Variants in CPXM2 observed in about 807,000 individuals in gnomAD.
CPXM2 encodes the protein carboxypeptidase X, M14 family member 2, also known as inactive carboxypeptidase-like protein X2.
A neutral mutation model predicts 86.1 loss-of-function variants in CPXM2; 66 were observed. The observed-to-expected ratio is 0.77, with a 90% CI of 0.63 to 0.94. The LOEUF is 0.94. Ranked by LOEUF, CPXM2 falls within the 40% of genes least tolerant of loss-of-function variation. The pLI is 0.00. For synonymous variants in CPXM2, 388 were observed against 400.2 expected (o/e 0.97, Z 0.36); for missense variants, 948 against 1,026.3 (o/e 0.92, Z 1.04).
chr10:123,803,863 T>C (rs1450438672), intron 4 of CPXM2, among the ~76,000 whole-genome samples: 1 of 152,090 alleles, frequency 6.6e-6, no homozygotes, highest in Non-Finnish European at 1.5e-5. Flanking sequence ...GGTTTCATCA[T>C]GTTTGCCAAG....
intron 2 of CPXM2, among the ~76,000 whole-genome samples, chr10:123,919,080 G>A (rs550517384): frequency 6.2e-5 from 9 of 145,110 alleles, no homozygotes; most frequent in South Asian, 2.2e-4. Flanking sequence ...AGCTGTGCAC[G>A]TATGGAACTG....
intron 4 of CPXM2, among the ~76,000 whole-genome samples, chr10:123,811,394 T>G (rs1006445232): frequency 6.6e-6 from 1 of 152,090 alleles, no homozygotes; most frequent in Admixed American, 6.6e-5. Flanking sequence ...TGAGAACATG[T>G]GGTGTTTGGT....
intron 2 of CPXM2, among the ~76,000 whole-genome samples, chr10:123,909,353 CCA>C (rs1377932649): frequency 6.6e-6 from 1 of 152,198 alleles, no homozygotes; most frequent in Non-Finnish European, 1.5e-5. Flanking sequence ...CGATTGCAGT[CCA>C]CACAAGGCTT....
intron 4 of CPXM2, among the ~76,000 whole-genome samples, chr10:123,803,560 C>T (rs1039088050): frequency 6.6e-6 from 1 of 152,166 alleles, no homozygotes; most frequent in Non-Finnish European, 1.5e-5. Context: ...TTCTAAAAAA[C>T]GTTATTGCTT....
At chr10:123,815,073 T>C (rs1847786239) in intron 4 of CPXM2, among the ~76,000 whole-genome samples, 3 of 152,194 alleles carry the variant, frequency 2.0e-5, no homozygotes, top group Non-Finnish European at 2.9e-5. Context: ...CACTCCTAAT[T>C]CATCACTCAT....
intron 4 of CPXM2, among the ~76,000 whole-genome samples, chr10:123,819,968 G>C (rs1847891197): frequency 6.6e-6 from 1 of 152,118 alleles, no homozygotes; most frequent in East Asian, 1.9e-4. Flanking sequence ...TGCCAGCATG[G>C]CTAGAATATA....
intron 4 of CPXM2, among the ~76,000 whole-genome samples, chr10:123,809,208 G>A (rs1190287905): frequency 1.3e-5 from 2 of 152,160 alleles, no homozygotes; most frequent in Non-Finnish European, 2.9e-5. Context: ...CGGCCCCAAA[G>A]TGCAAGAAGT....
Position 123,793,236 on chromosome 10 carries a change from G to A in CPXM2, c.889+4740C>T, listed in dbSNP as rs563277709. Among the ~76,000 whole-genome samples the A allele has an allele frequency of 9.2e-5, 14 of 152,108 alleles. No individual in the cohort carries two copies. In the South Asian group the frequency reaches 2.5e-3, roughly 27 times the overall value. ...TCCCAGCACTTTGGGAGGCCGAGGCGGGTGGATGACGAGGTCAGGAGATCA... is the reference window on the plus strand; with the variant it reads ...TCCCAGCACTTTGGGAGGCCGAGGCAGGTGGATGACGAGGTCAGGAGATCA... On this transcript the variant is annotated intron_variant, in intron 6 of 13. Transcript: ENST00000241305.
chr10:123,748,529 A>G (rs1360552520), intron 13 of CPXM2, among the ~76,000 whole-genome samples: 2 of 152,106 alleles, frequency 1.3e-5, no homozygotes, highest in Non-Finnish European at 2.9e-5. Flanking sequence ...CATGATGGGA[A>G]ATGAAATGTG....
intron 7 of CPXM2, among the ~76,000 whole-genome samples, chr10:123,771,694 T>C (rs1846636039): frequency 6.6e-6 from 1 of 152,232 alleles, no homozygotes; most frequent in Non-Finnish European, 1.5e-5. Context: ...AAAACTCATC[T>C]TGAATTATAG....
At chr10:123,829,413 C>T (rs1848117639) in intron 4 of CPXM2, among the ~76,000 whole-genome samples, 1 of 151,624 alleles carries the variant, frequency 6.6e-6, no homozygotes, top group Non-Finnish European at 1.5e-5. Flanking sequence ...CCTCTATTGC[C>T]TCGGCCTCCC....
At chr10:123,784,486 T>C (rs1280450184) in intron 6 of CPXM2, among the ~76,000 whole-genome samples, 2 of 152,182 alleles carry the variant, frequency 1.3e-5, no homozygotes, top group African/African-American at 4.8e-5. Context: ...TCCTGTGGTT[T>C]TCTTTTGACT....
intron 4 of CPXM2, among the ~76,000 whole-genome samples, chr10:123,839,662 A>C (rs1848345839): frequency 6.6e-6 from 1 of 152,174 alleles, no homozygotes; most frequent in Non-Finnish European, 1.5e-5. Context: ...GGCAAGAGAG[A>C]AAGGGAGATG....
intron 11 of CPXM2, among the ~76,000 whole-genome samples, chr10:123,759,744 T>G (rs1380027344): frequency 6.6e-6 from 1 of 152,206 alleles, no homozygotes; most frequent in Non-Finnish European, 1.5e-5. Flanking sequence ...TACAGCTCTG[T>G]GCATCTGATG....
At chr10:123,896,501 C>T (rs574784257), upstream of CPXM2, among the ~76,000 whole-genome samples, 1 of 152,302 alleles carries the variant, frequency 6.6e-6, no homozygotes, top group African/African-American at 2.4e-5. Flanking sequence ...TTACCCATTT[C>T]ATATTTAATT....
At chr10:123,761,081 A>G (rs544401851) in intron 11 of CPXM2, among the ~76,000 whole-genome samples, 1 of 152,318 alleles carries the variant, frequency 6.6e-6, no homozygotes, top group East Asian at 1.9e-4. Flanking sequence ...GAGACAGGAA[A>G]CAAAGTGCTT....
At chr10:123,875,656 A>G (rs1280493778) in intron 2 of CPXM2, among the ~76,000 whole-genome samples, 6 of 152,080 alleles carry the variant, frequency 3.9e-5, no homozygotes, top group Admixed American at 1.3e-4. Flanking sequence ...AAGTTGGCCA[A>G]TCCCCAAGTA....
rs1190662418 is a variant in CPXM2, at chr10:123,746,217, T to C, written c.*547A>G. 1.3e-5 allele frequency: 2 copies of C among 156,144 alleles called. No homozygotes were observed. Among genetic ancestry groups the C allele is most frequent in the African/African-American group, 4.8e-5 (2 of 41,492 alleles). 9.7% of individuals were successfully genotyped at this position (156,144 alleles called of 1,614,324 possible). ...ATTCAAGAGGCTCACTGATGTGCAC[T>C]TGGCAATGACGCTATTGTCAAAAGA... On this transcript the variant is annotated 3_prime_UTR_variant, in exon 14 of 14. Transcript: ENST00000241305.
intron 10 of CPXM2, among the ~76,000 whole-genome samples, chr10:123,763,296 C>T (rs1846389694): frequency 6.6e-6 from 1 of 152,098 alleles, no homozygotes; most frequent in Non-Finnish European, 1.5e-5. Context: ...CCTCAGCCTC[C>T]CAAAGTGCTG....
Sources: allele counts gnomAD v4.1 joint callset (sites outside exome capture counted in the v4.1 genomes callset), GRCh38; gene constraint gnomAD v4.1.1; transcripts MANE v1.5; gene names NCBI Gene and HGNC (gene_info 2026-07-23, HGNC 2026-07-21).